UGT8: variants seen among roughly 807,000 people sequenced by gnomAD.
UGT8 encodes the protein UDP glycosyltransferase 8.
Under a neutral mutation model 40.5 loss-of-function variants are expected in UGT8, and 12 were observed. The ratio of observed to expected loss-of-function variants is 0.30; its 90% CI spans 0.19 to 0.48. The LOEUF (loss-of-function observed/expected upper bound fraction) is 0.48. Among genes scored for constraint, UGT8 ranks in the 20% least tolerant of loss-of-function variants. The pLI is 0.99. For synonymous variants in UGT8, 224 were observed against 240.4 expected (o/e 0.93, Z 0.63); for missense variants, 513 against 648.7 (o/e 0.79, Z 2.27).
In UGT8 at chr4:114,668,303, A is replaced by G; in HGVS notation, c.1261A>G (p.Ser421Gly). The change falls in exon 5 of 6, where the codon AGC becomes GGC. Residue 421 changes from serine to glycine, a missense_variant and splice_region_variant. Around this residue, in one of 3 missense-constraint regions of UGT8, gnomAD observed 175 missense variants for 186.7 expected, o/e 0.94. Transcript: ENST00000310836. ...EALVKVINNP[S>G]YRQRAQKLSE... ...ACTAGTGAAGGTTATCAATAATCCC[A>G]GGTAAGGTTTCAATTAACATTAAAG... The G allele has an allele frequency of 1.2e-6, 2 of 1,613,304 alleles. No individual in the cohort carries two copies. Among genetic ancestry groups the G allele is most frequent in the South Asian group, 2.2e-5 (2 of 91,014 alleles).
intron 1 of UGT8, among the ~76,000 whole-genome samples, chr4:114,621,118 A>G (rs1731759370): frequency 6.6e-6 from 1 of 152,204 alleles, no homozygotes; most frequent in South Asian, 2.1e-4. Flanking sequence ...TCTAAAAACA[A>G]TAAAAGACAA....
At chr4:114,660,757 T>G (rs886856091) in intron 2 of UGT8, among the ~76,000 whole-genome samples, 4 of 151,588 alleles carry the variant, frequency 2.6e-5, no homozygotes, top group African/African-American at 9.7e-5. Context: ...CCGGGCGTAG[T>G]GGGGGCACCT....
chr4:114,607,999 T>C (rs1730832998), intron 1 of UGT8, among the ~76,000 whole-genome samples: 1 of 152,220 alleles, frequency 6.6e-6, no homozygotes, highest in Non-Finnish European at 1.5e-5. Context: ...TATTTTCACA[T>C]GGGGATCCAA....
intron 2 of UGT8, among the ~76,000 whole-genome samples, chr4:114,629,386 A>G (rs1008869903): frequency 2.0e-5 from 3 of 152,282 alleles, no homozygotes; most frequent in Middle Eastern, 3.4e-3. Flanking sequence ...GAGTACCTCA[A>G]AAGGTTGGTA....
rs529093291 is a variant in UGT8 at position 114,602,057 on chromosome 4, G to C, written c.-3+3083G>C. Among the ~76,000 whole-genome samples, 12 of 152,236 alleles carry C rather than the reference G, an allele frequency of 7.9e-5. 1 individual carries two copies. In the South Asian group the frequency reaches 2.5e-3, roughly 32 times the overall value. ...CTGAAATGTTTAGGTTTCCAGAAGG[G>C]TGACCTCTATATAAAAGGTTTTAAT... On this transcript the variant is annotated intron_variant, in intron 1 of 5. Transcript: ENST00000310836.
chr4:114,663,953 C>T, intron 2 of UGT8, 42 bp from the exon 3 acceptor site: 5 of 1,607,604 alleles, frequency 3.1e-6, no homozygotes, highest in Non-Finnish European at 4.3e-6. Flanking sequence ...TTATAAACTA[C>T]ATTGGTCTTC....
chr4:114,642,615 G>T (rs1004570556), intron 2 of UGT8, among the ~76,000 whole-genome samples: 1 of 152,032 alleles, frequency 6.6e-6, no homozygotes, highest in African/African-American at 2.4e-5. Flanking sequence ...GAATAAACTA[G>T]CCCTCATCAC....
chr4:114,606,098 C>T (rs1037166818), intron 1 of UGT8, among the ~76,000 whole-genome samples: 6 of 151,982 alleles, frequency 3.9e-5, no homozygotes, highest in Admixed American at 6.6e-5. Flanking sequence ...ACAACAACAA[C>T]AACAACAAAA....
chr4:114,650,577 T>G (rs1733840444), intron 2 of UGT8, among the ~76,000 whole-genome samples: 1 of 152,192 alleles, frequency 6.6e-6, no homozygotes, highest in Non-Finnish European at 1.5e-5. Flanking sequence ...TATTCTTATA[T>G]TTTATGAGAT....
chr4:114,666,541 G>T (rs1436635654), intron 4 of UGT8, among the ~76,000 whole-genome samples: 1 of 151,856 alleles, frequency 6.6e-6, no homozygotes, highest in African/African-American at 2.4e-5. Flanking sequence ...CTTGATCCTT[G>T]TATTTTTTTA....
chr4:114,647,557 G>T (rs544859458), intron 2 of UGT8, among the ~76,000 whole-genome samples: 8 of 152,078 alleles, frequency 5.3e-5, no homozygotes, highest in East Asian at 1.9e-4. Flanking sequence ...GTAGAGGCGG[G>T]GTTTCACCAC....
intron 2 of UGT8, among the ~76,000 whole-genome samples, chr4:114,649,152 C>T (rs1297590769): frequency 2.0e-5 from 3 of 152,050 alleles, no homozygotes; most frequent in Non-Finnish European, 2.9e-5. Context: ...TAGAGGTTGC[C>T]AATGTAGTGT....
chr4:114,667,340 ACAACTCTTATGC>A (rs1200835034), intron 4 of UGT8, among the ~76,000 whole-genome samples: 1 of 152,194 alleles, frequency 6.6e-6, no homozygotes, highest in Non-Finnish European at 1.5e-5. Flanking sequence ...TTTTGTTTTT[ACAACTCTTATGC>A]CAACTTTTGA....
chr4:114,607,682 A>C (rs1730815284), intron 1 of UGT8, among the ~76,000 whole-genome samples: 1 of 152,132 alleles, frequency 6.6e-6, no homozygotes, highest in Non-Finnish European at 1.5e-5. Context: ...CAGATCTGAC[A>C]TCCCCATTTG....
intron 2 of UGT8, among the ~76,000 whole-genome samples, chr4:114,656,069 G>A (rs1444146741): frequency 6.6e-6 from 1 of 152,108 alleles, no homozygotes; most frequent in Non-Finnish European, 1.5e-5. Context: ...TGTTGCATCT[G>A]ATTAGGTGGT....
In UGT8 at chr4:114,627,009, A is replaced by G. The variant is rs183265453; in HGVS notation, c.822+3307A>G. Among the ~76,000 whole-genome samples, 21 of 152,256 alleles carry G rather than the reference A, an allele frequency of 1.4e-4. No individual in the cohort carries two copies. The East Asian group carries it at 4.1e-3, about 29-fold the overall frequency. ...GAAATTGTGTGCCTTGATAGTAGAA[A>G]TCATTTTAAAATCCATGTTAGAAAT... On this transcript the variant is annotated intron_variant, in intron 2 of 5. Transcript: ENST00000310836.
At chr4:114,672,875 G>A (rs1278026747) in intron 5 of UGT8, among the ~76,000 whole-genome samples, 1 of 152,056 alleles carries the variant, frequency 6.6e-6, no homozygotes, top group African/African-American at 2.4e-5. Flanking sequence ...TTACGTCTCT[G>A]TTTCCTAATG....
chr4:114,632,522 G>A (rs988170884), intron 2 of UGT8, among the ~76,000 whole-genome samples: 2 of 152,122 alleles, frequency 1.3e-5, no homozygotes, highest in Admixed American at 6.5e-5. Context: ...ACTTTACAAA[G>A]TAAGCTGACT....
chr4:114,615,745 C>T (rs1731370599), intron 1 of UGT8, among the ~76,000 whole-genome samples: 1 of 152,176 alleles, frequency 6.6e-6, no homozygotes, highest in African/African-American at 2.4e-5. Flanking sequence ...TTGCACATAG[C>T]AATTCTGCTT....
Sources: allele counts gnomAD v4.1 joint callset (sites outside exome capture counted in the v4.1 genomes callset), GRCh38; gene constraint gnomAD v4.1.1; regional missense constraint gnomAD v4.1.1; transcripts MANE v1.5; gene names NCBI Gene and HGNC (gene_info 2026-07-23, HGNC 2026-07-21).